The following SRBD1 variants were observed in gnomAD, a reference collection of about 807,000 sequenced individuals.
SRBD1 encodes the protein S1 RNA binding domain 1.
Under a neutral mutation model 115.3 loss-of-function variants are expected in SRBD1, and 88 were observed. That is an observed-to-expected ratio of 0.76 (90% confidence interval 0.64 to 0.91). The LOEUF is 0.91. SRBD1 is among the 40% of genes least tolerant of loss of function. SRBD1 has a pLI of 0.00. For synonymous variants in SRBD1, 509 were observed against 407.7 expected (o/e 1.25, Z -2.99); for missense variants, 1,385 against 1,177.4 (o/e 1.18, Z -2.58).
At chr2:45,446,651 T>C (rs1306901428) in intron 16 of SRBD1, among the ~76,000 whole-genome samples, 1 of 151,094 alleles carries the variant, frequency 6.6e-6, no homozygotes, top group Non-Finnish European at 1.5e-5. Flanking sequence ...CAAGAAGTGT[T>C]CAACCCAATT....
chr2:45,572,524 G>A (rs182288923), intron 9 of SRBD1, among the ~76,000 whole-genome samples: 10 of 152,134 alleles, frequency 6.6e-5, no homozygotes, highest in East Asian at 3.9e-4. Context: ...TAGGAAGTTT[G>A]TCACTAGTAG....
At chr2:45,405,669 C>A (rs545479366) in intron 19 of SRBD1, among the ~76,000 whole-genome samples, 1 of 151,888 alleles carries the variant, frequency 6.6e-6, no homozygotes, top group Non-Finnish European at 1.5e-5. Context: ...TCTACAGGGC[C>A]AGAGGAGAAA....
chr2:45,450,033 A>G (rs557192199), intron 16 of SRBD1, among the ~76,000 whole-genome samples: 82 of 152,288 alleles, frequency 5.4e-4, no homozygotes, highest in African/African-American at 1.9e-3. Context: ...ATAATGCCCA[A>G]ACACTTGGAA....
At chr2:45,487,075 T>C (rs1052704949) in intron 15 of SRBD1, among the ~76,000 whole-genome samples, 1 of 151,934 alleles carries the variant, frequency 6.6e-6, no homozygotes, top group African/African-American at 2.4e-5. Flanking sequence ...AGAGAGGGAA[T>C]TATGTCATGA....
Position 45,413,141 on chromosome 2 carries a change from T to G in SRBD1, c.2486A>C (p.His829Pro), listed in dbSNP as rs1667652765. The G allele has an allele frequency of 6.2e-7, 1 of 1,613,918 alleles. No homozygotes were observed. The highest frequency in any genetic ancestry group is 1.1e-5 in the South Asian group (1 of 91,048). The change falls in exon 19 of 21, where the codon CAT (histidine) becomes CCT (proline). Residue 829 changes from histidine to proline, a missense_variant. Physicochemically the swap from His to Pro is moderately conservative, Grantham distance 77 (BLOSUM62 -2). Coordinates refer to ENST00000263736, the MANE Select transcript of SRBD1 (RefSeq NM_018079.5). ...KPNPLDQTCI[H>P]PESYDIAMRF... ...CATTGCTATGTCATATGATTCTGGA[T>G]GAATACAAGTTTGGTCCAAAGGATT...
At chr2:45,426,945 C>G (rs1365752488) in intron 16 of SRBD1, among the ~76,000 whole-genome samples, 3 of 152,160 alleles carry the variant, frequency 2.0e-5, no homozygotes, top group African/African-American at 4.8e-5. Context: ...CTCTTCTCCT[C>G]TAAAGGATCA....
At chr2:45,414,837 CACACACAT>C (rs1558563692) in intron 18 of SRBD1, among the ~76,000 whole-genome samples, 22 of 142,716 alleles carry the variant, frequency 1.5e-4, no homozygotes, top group South Asian at 8.7e-4. Context: ...ATAGTATGTA[CACACACAT>C]ATAGTGTGTA....
chr2:45,485,523 T>C (rs115349383), intron 15 of SRBD1, among the ~76,000 whole-genome samples: 180 of 152,312 alleles, frequency 1.2e-3, no homozygotes, highest in African/African-American at 4.1e-3. Flanking sequence ...ATAGACAGTT[T>C]AATATCATCC....
At chr2:45,434,455 C>A in intron 16 of SRBD1, among the ~76,000 whole-genome samples, 1 of 152,164 alleles carries the variant, frequency 6.6e-6, no homozygotes, top group Non-Finnish European at 1.5e-5. Flanking sequence ...TACATATGTG[C>A]ACCTTAACAT....
intron 15 of SRBD1, among the ~76,000 whole-genome samples, chr2:45,478,592 T>C (rs1421727665): frequency 2.0e-5 from 3 of 152,218 alleles, no homozygotes; most frequent in African/African-American, 4.8e-5. Context: ...AGTGCAAGCA[T>C]TGCAGGTGAT....
chr2:45,537,627 G>A (rs544313945), intron 14 of SRBD1, among the ~76,000 whole-genome samples: 1 of 152,156 alleles, frequency 6.6e-6, no homozygotes, highest in Non-Finnish European at 1.5e-5. Context: ...GTGTGTTTTG[G>A]GGGGAGGGAC....
chr2:45,419,743 G>T, intron 17 of SRBD1, 45 bp downstream of exon 17: 1 of 1,573,734 alleles, frequency 6.4e-7, no homozygotes, highest in Non-Finnish European at 8.7e-7. Context: ...TGGACAGCCA[G>T]TTAAACTCAA....
chr2:45,522,892 A>T (rs1453145300), intron 14 of SRBD1, among the ~76,000 whole-genome samples: 1 of 152,198 alleles, frequency 6.6e-6, no homozygotes, highest in Non-Finnish European at 1.5e-5. Flanking sequence ...TCCAGTCAAC[A>T]GTAAGCTATT....
chr2:45,497,421 C>A (rs1432647703), intron 14 of SRBD1, among the ~76,000 whole-genome samples: 1 of 152,228 alleles, frequency 6.6e-6, no homozygotes, highest in Non-Finnish European at 1.5e-5. Context: ...AAACAACCCA[C>A]ATTTCCATTT....
intron 15 of SRBD1, among the ~76,000 whole-genome samples, chr2:45,484,759 C>T (rs1670065065): frequency 6.6e-6 from 1 of 152,200 alleles, no homozygotes; most frequent in African/African-American, 2.4e-5. Context: ...CTGTCTCTCC[C>T]CAGTCCCTGA....
chr2:45,459,771 A>T (rs1669259789), intron 16 of SRBD1, among the ~76,000 whole-genome samples: 1 of 152,180 alleles, frequency 6.6e-6, no homozygotes, highest in Admixed American at 6.6e-5. Flanking sequence ...TCCCAAGGTG[A>T]CATGACACAT....
chr2:45,498,240 T>G (rs1275950352), intron 14 of SRBD1, among the ~76,000 whole-genome samples: 2 of 152,196 alleles, frequency 1.3e-5, no homozygotes, highest in African/African-American at 2.4e-5. Context: ...CATTTTTAAT[T>G]GGTTTGTCTC....
intron 16 of SRBD1, among the ~76,000 whole-genome samples, chr2:45,450,444 T>C (rs1425293533): frequency 6.6e-6 from 1 of 152,158 alleles, no homozygotes; most frequent in Non-Finnish European, 1.5e-5. Flanking sequence ...TCTACAGCTT[T>C]AGTAGTAACA....
At chr2:45,568,938 T>C (rs1672920757) in intron 9 of SRBD1, among the ~76,000 whole-genome samples, 2 of 152,250 alleles carry the variant, frequency 1.3e-5, no homozygotes, top group Admixed American at 1.3e-4. Context: ...ATATTGAAAG[T>C]ATGTACTTCA....
Sources: gnomAD v4.1 joint callset for allele counts (sites outside exome capture counted in the v4.1 genomes callset) on GRCh38, gnomAD v4.1.1 for gene constraint, MANE v1.5 for transcripts, NCBI Gene and HGNC (gene_info 2026-07-23, HGNC 2026-07-21) for gene names.